Variants in URB2 observed in about 807,000 individuals in gnomAD.
URB2 encodes unhealthy ribosome biogenesis protein 2 homolog.
In URB2, 86 loss-of-function variants were observed where a neutral mutation model predicts 120.9. The ratio of observed to expected loss-of-function variants is 0.71; its 90% CI spans 0.60 to 0.85. The LOEUF (loss-of-function observed/expected upper bound fraction) is 0.85, where lower values mean the gene tolerates loss of function less well. URB2 is among the 40% of genes least tolerant of loss of function. The probability of loss-of-function intolerance (pLI) is 0.00; values close to 1 mark genes in which losing one functional copy is unlikely to be tolerated. For synonymous variants in URB2, 755 were observed against 758.4 expected (o/e 1.00, Z 0.07); for missense variants, 1,765 against 1,836.5 (o/e 0.96, Z 0.71).
chr1:229,648,443 A>G (rs1666201990), intron 7 of URB2, among the ~76,000 whole-genome samples: 1 of 152,234 alleles, frequency 6.6e-6, no homozygotes, highest in African/African-American at 2.4e-5. Flanking sequence ...TGGGCTTATA[A>G]TTCAAATGGA....
At chr1:229,658,529 C>G (rs1288310068) in intron 9 of URB2, among the ~76,000 whole-genome samples, 1 of 152,220 alleles carries the variant, frequency 6.6e-6, no homozygotes, top group Non-Finnish European at 1.5e-5. Flanking sequence ...GAAATCACTT[C>G]TGCTCTTGGG....
rs989441519 is a variant in URB2 at position 229,651,410 on chromosome 1, A to C, written c.4237+88A>C. The C allele has an allele frequency of 5.5e-6, 6 of 1,096,524 alleles. No individual in the cohort carries two copies. The African/African-American group carries it at 9.5e-5, about 17-fold the overall frequency. The allele number at this position is 1,096,524 out of a possible 1,614,324, so 67.9% of individuals were successfully genotyped here. On this transcript the variant is annotated intron_variant, in intron 8 of 9. Coordinates refer to ENST00000258243, the MANE Select transcript of URB2 (RefSeq NM_014777.4). The stretch of plus-strand genomic sequence containing the variant: ...CACATATGTTACTGAAAATAAAACT[A>C]CTCACTTGTGTTTAAATAAGAGAAA...
At chr1:229,645,217 G>A (rs1666110760) in intron 5 of URB2, among the ~76,000 whole-genome samples, 1 of 151,866 alleles carries the variant, frequency 6.6e-6, no homozygotes, top group South Asian at 2.1e-4. Context: ...CCCAGGAGGT[G>A]GAGGTTGCAG....
At chr1:229,628,174 TGTA>T (rs368109965) in intron 2 of URB2, among the ~76,000 whole-genome samples, 41 of 142,848 alleles carry the variant, frequency 2.9e-4, no homozygotes, top group South Asian at 2.9e-3. Flanking sequence ...ATAGTATATA[TGTA>T]TATAATATAT....
rs529073589 is a variant in URB2 at position 229,649,257 on chromosome 1, G to T, written c.4149+1505G>T. Among the ~76,000 whole-genome samples the T allele has an allele frequency of 1.3e-4, 20 of 152,194 alleles. 1 individual carries two copies. Among genetic ancestry groups the T allele is most frequent in the Non-Finnish European group, 1.9e-4 (13 of 68,040 alleles). On this transcript the variant is annotated intron_variant, in intron 7 of 9. Coordinates refer to ENST00000258243, the MANE Select transcript of URB2 (RefSeq NM_014777.4). ...ATTCTCTGGTAAGCTAAACACTCATGACATTGGTTCTAACTCTAAAGCCTT... is the reference window on the plus strand; with the variant it reads ...ATTCTCTGGTAAGCTAAACACTCATTACATTGGTTCTAACTCTAAAGCCTT...
At chr1:229,646,958 C>G (rs1234705107) in intron 6 of URB2, among the ~76,000 whole-genome samples, 2 of 152,190 alleles carry the variant, frequency 1.3e-5, no homozygotes, top group Non-Finnish European at 2.9e-5. Context: ...TTGTCATTTT[C>G]CTGAGCATCC....
At chr1:229,648,546 T>G (rs913653167) in intron 7 of URB2, among the ~76,000 whole-genome samples, 1 of 151,890 alleles carries the variant, frequency 6.6e-6, no homozygotes. Context: ...CAGAAAAAAT[T>G]ACAGTTCAGT....
At chr1:229,645,999 G>T (rs761929175) in intron 6 of URB2, 30 bp downstream of exon 6, 2 of 1,590,842 alleles carry the variant, frequency 1.3e-6, no homozygotes, top group Non-Finnish European at 1.7e-6. Flanking sequence ...GTGTCCTCTA[G>T]CTCCTCCCCT....
chr1:229,643,823 G>T, intron 5 of URB2, 130 bp downstream of exon 5: 2 of 1,282,312 alleles, frequency 1.6e-6, no homozygotes, highest in Non-Finnish European at 2.1e-6. Flanking sequence ...CTAGGCAAAG[G>T]GGGAGGCTGT....
At chr1:229,658,235 T>A (rs573191904) in intron 9 of URB2, among the ~76,000 whole-genome samples, 42 of 152,266 alleles carry the variant, frequency 2.8e-4, no homozygotes, top group African/African-American at 1.0e-3. Flanking sequence ...TGAATGGATG[T>A]GGTAAGTGTG....
chr1:229,646,366 AT>A (rs1337284176), intron 6 of URB2, among the ~76,000 whole-genome samples: 1 of 152,134 alleles, frequency 6.6e-6, no homozygotes, highest in Admixed American at 6.5e-5. Context: ...GCAGTTGCAA[AT>A]GTAGTGTTCT....
At chr1:229,645,531 C>T (rs1666119484) in intron 5 of URB2, among the ~76,000 whole-genome samples, 1 of 152,162 alleles carries the variant, frequency 6.6e-6, no homozygotes, top group Non-Finnish European at 1.5e-5. Context: ...ACAAGACGGG[C>T]TCTCTGTAAT....
intron 9 of URB2, 135 bp downstream of exon 9, chr1:229,654,523 T>G: frequency 7.6e-7 from 1 of 1,311,562 alleles, no homozygotes; most frequent in Non-Finnish European, 1.1e-6. Flanking sequence ...GACAGGGTTT[T>G]GCTCTCTCAC....
chr1:229,630,372 A>G (rs1665628098), intron 2 of URB2, among the ~76,000 whole-genome samples: 1 of 152,212 alleles, frequency 6.6e-6, no homozygotes, highest in African/African-American at 2.4e-5. Context: ...ATCTCCTTGT[A>G]CATCTCCATC....
Position 229,635,099 on chromosome 1 carries a change from A to AG in URB2, c.488dup (p.Ala164SerfsTer8). 1 of 1,614,096 alleles carries AG rather than the reference A, an allele frequency of 6.2e-7. No homozygotes were observed. Among genetic ancestry groups the AG allele is most frequent in the Non-Finnish European group, 8.5e-7 (1 of 1,179,986 alleles). On this transcript the variant is annotated frameshift_variant, in exon 4 of 10. Coordinates refer to ENST00000258243, the MANE Select transcript of URB2 (RefSeq NM_014777.4). LOFTEE classifies it high-confidence loss of function. ...GCTGGTCGGCCTGCAGGCAGCCCGA[A>AG]GGAGCTGTGGTAGCCCAGTTGTTTG...
chr1:229,651,979 G>C (rs560378857), intron 8 of URB2, among the ~76,000 whole-genome samples: 38 of 152,186 alleles, frequency 2.5e-4, no homozygotes, highest in African/African-American at 8.9e-4. Context: ...GTCAGGAGTT[G>C]AAGCCCAGCC....
At chr1:229,653,936 GTTTTTTTTT>G (rs760894683) in intron 8 of URB2, among the ~76,000 whole-genome samples, 4 of 60,554 alleles carry the variant, frequency 6.6e-5, no homozygotes, top group African/African-American at 1.3e-4. Context: ...CCATCTTGGT[GTTTTTTTTT>G]TTTTTTTTTT....
chr1:229,639,742 A>G (rs1435800357), intron 4 of URB2, among the ~76,000 whole-genome samples: 2 of 152,102 alleles, frequency 1.3e-5, no homozygotes, highest in Non-Finnish European at 2.9e-5. Flanking sequence ...GCCAGGTGCA[A>G]GTGCTCACTG....
chr1:229,652,795 C>T (rs1445862286), intron 8 of URB2, among the ~76,000 whole-genome samples: 3 of 152,230 alleles, frequency 2.0e-5, no homozygotes, highest in Non-Finnish European at 4.4e-5. Context: ...AGTGGTGGAG[C>T]ACAGCCTGGT....
Sources: gnomAD v4.1 joint callset for allele counts (sites outside exome capture counted in the v4.1 genomes callset) on GRCh38, gnomAD v4.1.1 for gene constraint, MANE v1.5 for transcripts, NCBI Gene and HGNC (gene_info 2026-07-23, HGNC 2026-07-21) for gene names.